The following ZNF124 variants were observed in gnomAD, a reference collection of about 807,000 sequenced individuals.
ZNF124 encodes the protein zinc finger protein 124.
A neutral mutation model predicts 26.6 loss-of-function variants in ZNF124; 25 were observed. That is an observed-to-expected ratio of 0.94 (90% CI 0.68 to 1.31). The LOEUF (loss-of-function observed/expected upper bound fraction) is 1.31, where lower values mean the gene tolerates loss of function less well. ZNF124 is among the 40% of genes most tolerant of loss of function. The probability of loss-of-function intolerance (pLI) is 0.00; values close to 1 mark genes in which losing one functional copy is unlikely to be tolerated. For missense variants in ZNF124, 444 were observed against 422.2 expected (o/e 1.05, Z -0.45); for synonymous variants, 129 against 133.3 (o/e 0.97, Z 0.22).
Position 247,157,392 on chromosome 1 carries a change from G to C in ZNF124, c.230C>G (p.Ser77Cys). 1 of 1,552,370 alleles carries C rather than the reference G, an allele frequency of 6.4e-7. No individual in the cohort carries two copies. Among genetic ancestry groups the C allele is most frequent in the East Asian group, 2.4e-5 (1 of 40,928 alleles). ...CCCATATGGGTTGTTTCCAGAATGA[G>C]ATATGATGTGCCTATGAAGGGATGA... ...NSSRNLRHII[S>C]HSGNNPYGCE... The change falls in exon 4 of 4, where the codon TCT (serine) becomes TGT (cysteine). Residue 77 changes from serine (S) to cysteine (C), a missense_variant. Transcript: ENST00000543802.
At chr1:247,125,757 T>C (rs1005842019) in intron 3 of ZNF124, among the ~76,000 whole-genome samples, 4 of 152,208 alleles carry the variant, frequency 2.6e-5, no homozygotes, top group African/African-American at 9.7e-5. Context: ...AATGCAGTGG[T>C]ATCTCATTGA....
At chr1:247,161,644 A>T (rs1673488109) in intron 1 of ZNF124, among the ~76,000 whole-genome samples, 1 of 151,798 alleles carries the variant, frequency 6.6e-6, no homozygotes, top group Admixed American at 6.5e-5. Flanking sequence ...GAATGAAAAC[A>T]TGATTAAAAA....
At chr1:247,152,943 C>A (rs1009009714), downstream of ZNF124, among the ~76,000 whole-genome samples, 1 of 152,076 alleles carries the variant, frequency 6.6e-6, no homozygotes, top group African/African-American at 2.4e-5. Flanking sequence ...ACCATCCTGG[C>A]TAACACGGTG....
At chr1:247,169,498 T>C (rs946276715) in intron 1 of ZNF124, among the ~76,000 whole-genome samples, 3 of 152,236 alleles carry the variant, frequency 2.0e-5, no homozygotes, top group East Asian at 3.9e-4. Context: ...AATACCAGCA[T>C]TGGATTGGAT....
chr1:247,125,526 G>T (rs1428406288), intron 3 of ZNF124, among the ~76,000 whole-genome samples: 1 of 128,214 alleles, frequency 7.8e-6, no homozygotes, highest in Non-Finnish European at 1.6e-5. Flanking sequence ...CTGCCTTCCC[G>T]TTTCAAGGGA....
Position 247,130,189 on chromosome 1 carries a change from C to G in ZNF124, c.219-6318G>C, listed in dbSNP as rs192674526. 2.4e-3 allele frequency among the ~76,000 whole-genome samples: 365 copies of G among 152,212 alleles called. 7 individuals carry two copies. The highest frequency in any genetic ancestry group is 7.8e-4 in the Non-Finnish European group (53 of 68,012). On this transcript the variant is annotated intron_variant, in intron 3 of 3. Coordinates refer to the ZNF124 transcript ENST00000472531. The stretch of plus-strand genomic sequence containing the variant: ...TTGAGAGATAATATTTTCAAAAGGC[C>G]AAGAAAGAGGTGTATATCAGAAAAA...
At chr1:247,141,990 C>T (rs1368298171) in intron 3 of ZNF124, among the ~76,000 whole-genome samples, 1 of 152,234 alleles carries the variant, frequency 6.6e-6, no homozygotes, top group African/African-American at 2.4e-5. Flanking sequence ...ACACCATGGA[C>T]TCCCAGGTGG....
chr1:247,142,560 C>T (rs1672655065), intron 3 of ZNF124, among the ~76,000 whole-genome samples: 1 of 152,190 alleles, frequency 6.6e-6, no homozygotes, highest in South Asian at 2.1e-4. Context: ...TAGCTCTTCA[C>T]TCTCCCAGGC....
At chr1:247,137,542 A>T (rs1262439929) in intron 3 of ZNF124, among the ~76,000 whole-genome samples, 2 of 151,158 alleles carry the variant, frequency 1.3e-5, no homozygotes. Context: ...CACTCAGGAC[A>T]TAGGCGTGGG....
At chr1:247,154,259 A>G (rs1238869940), downstream of ZNF124, among the ~76,000 whole-genome samples, 6 of 152,316 alleles carry the variant, frequency 3.9e-5, no homozygotes, top group East Asian at 1.9e-4. Context: ...TGCTGTTCTC[A>G]TGATAATGAG....
intron 3 of ZNF124, among the ~76,000 whole-genome samples, chr1:247,133,032 A>G (rs923331349): frequency 2.6e-5 from 4 of 152,150 alleles, no homozygotes; most frequent in Non-Finnish European, 5.9e-5. Flanking sequence ...TGCTAACTAG[A>G]ATAACCAGTT....
chr1:247,147,257 T>C (rs1430436376), intron 3 of ZNF124, among the ~76,000 whole-genome samples: 1 of 150,352 alleles, frequency 6.7e-6, no homozygotes, highest in African/African-American at 2.5e-5. Context: ...GTCGGGGTCT[T>C]GCTCTGTTGC....
At chr1:247,145,514 A>G (rs1277050246) in intron 3 of ZNF124, among the ~76,000 whole-genome samples, 1 of 152,168 alleles carries the variant, frequency 6.6e-6, no homozygotes, top group Non-Finnish European at 1.5e-5. Flanking sequence ...ATCACCTTTC[A>G]CCAAGAACCA....
rs1028372058 is a variant in ZNF124, at chr1:247,142,990, G to A, written c.218+16016C>T. On this transcript the variant is annotated intron_variant, in intron 3 of 3. Coordinates refer to the ZNF124 transcript ENST00000472531. The stretch of plus-strand genomic sequence containing the variant: ...TGCTCTATAATTTCCATTACATACT[G>A]ATTAGATAATTTTTTGAGTATTTTA... Among the ~76,000 whole-genome samples, 9 of 152,074 alleles carry A rather than the reference G, an allele frequency of 5.9e-5. No homozygotes were observed. The East Asian group carries it at 1.7e-3, about 29-fold the overall frequency.
At chr1:247,154,279 T>G (rs1332054701), downstream of ZNF124, among the ~76,000 whole-genome samples, 3 of 152,092 alleles carry the variant, frequency 2.0e-5, no homozygotes, top group Non-Finnish European at 2.9e-5. Context: ...GTGAGTCTCA[T>G]GAGATCTGAT....
intron 3 of ZNF124, among the ~76,000 whole-genome samples, chr1:247,137,038 C>T (rs1015705593): frequency 1.3e-5 from 2 of 151,810 alleles, no homozygotes; most frequent in African/African-American, 2.4e-5. Flanking sequence ...CATCATGCTA[C>T]CTGACTTCAA....
In ZNF124 at chr1:247,147,165, G is replaced by GTT. The variant is rs112821147; in HGVS notation, c.218+11839_218+11840dup. 3.0e-3 allele frequency among the ~76,000 whole-genome samples: 410 copies of GTT among 136,558 alleles called. 1 individual carries two copies. Among genetic ancestry groups the GTT allele is most frequent in the African/African-American group, 8.4e-3 (309 of 36,878 alleles). 89.6% of individuals were successfully genotyped at this position (136,558 alleles called of 152,430 possible). ...GGAGGGAATTTCAGTGTTTTAGCAA[G>GTT]TTTTTTTTTTTTTTAATTTGCCATC... is the stretch of plus-strand genomic sequence containing the variant. On this transcript the variant is annotated intron_variant, in intron 3 of 3. Transcript: ENST00000472531.
intron 1 of ZNF124, among the ~76,000 whole-genome samples, chr1:247,164,051 C>T (rs565701910): frequency 9.9e-4 from 150 of 152,204 alleles, no homozygotes; most frequent in African/African-American, 3.5e-3. Flanking sequence ...ACAACATGAT[C>T]ATCTCAATAG....
intron 1 of ZNF124, among the ~76,000 whole-genome samples, chr1:247,170,767 A>T (rs1674070179): frequency 7.1e-6 from 1 of 141,722 alleles, no homozygotes; most frequent in Non-Finnish European, 1.5e-5. Flanking sequence ...CGGCAATCAG[A>T]ACGGAACAGA....
Sources: gnomAD v4.1 joint callset for allele counts (sites outside exome capture counted in the v4.1 genomes callset) on GRCh38, gnomAD v4.1.1 for gene constraint, MANE v1.5 for transcripts, NCBI Gene and HGNC (gene_info 2026-07-23, HGNC 2026-07-21) for gene names.